The following ZMYM2 variants were observed in gnomAD, a reference collection of about 807,000 sequenced individuals.
ZMYM2 encodes zinc finger MYM-type protein 2.
Under a neutral mutation model 162.8 loss-of-function variants are expected in ZMYM2, and 56 were observed. That is an observed-to-expected ratio of 0.34 (90% confidence interval 0.28 to 0.43). The LOEUF (loss-of-function observed/expected upper bound fraction) is 0.43. Among genes scored for constraint, ZMYM2 ranks in the 20% least tolerant of loss-of-function variants. ZMYM2 has a pLI of 1.00. For synonymous variants in ZMYM2, 510 were observed against 541.6 expected, an observed-to-expected ratio of 0.94 and a Z score of 0.81; for missense variants, 1,275 against 1,621.8, an observed-to-expected ratio of 0.79 and a Z score of 3.67.
chr13:19,961,535 C>T (rs1955206860), intron 2 of ZMYM2, among the ~76,000 whole-genome samples: 2 of 152,102 alleles, frequency 1.3e-5, no homozygotes, highest in South Asian at 4.1e-4. Context: ...TGCTTATCGC[C>T]ACATATTTTC....
chr13:20,059,612 T>C (rs373795300), intron 16 of ZMYM2, 50 bp downstream of exon 16: 29 of 863,138 alleles, frequency 3.4e-5, no homozygotes, highest in Non-Finnish European at 5.2e-5. Context: ...GCAGACACAG[T>C]TGGGAAAACA....
chr13:20,030,103 G>C (rs1467351943), intron 9 of ZMYM2, among the ~76,000 whole-genome samples: 75 of 151,498 alleles, frequency 5.0e-4, no homozygotes, highest in Non-Finnish European at 1.8e-4. Context: ...TCTGTAAATT[G>C]TTTTAACTTT....
intron 6 of ZMYM2, among the ~76,000 whole-genome samples, chr13:20,007,503 C>T (rs1566280134): frequency 6.6e-6 from 1 of 151,538 alleles, no homozygotes; most frequent in Non-Finnish European, 1.5e-5. Flanking sequence ...GAAAGGTAGT[C>T]TGTGTGATTT....
the ZMYM2 span, among the ~76,000 whole-genome samples, chr13:19,898,552 T>C: frequency 6.6e-6 from 1 of 152,012 alleles, no homozygotes; most frequent in Non-Finnish European, 1.5e-5. Context: ...CCTTAAACAA[T>C]CTGTGGGTCA....
At chr13:19,949,156 TC>T in the ZMYM2 span, among the ~76,000 whole-genome samples, 1 of 151,486 alleles carries the variant, frequency 6.6e-6, no homozygotes, top group Non-Finnish European at 1.5e-5. Flanking sequence ...ACGCCTCTAA[TC>T]CCAGCACTTT....
At chr13:20,021,682 G>C (rs1310364066) in intron 7 of ZMYM2, among the ~76,000 whole-genome samples, 20 of 152,136 alleles carry the variant, frequency 1.3e-4, no homozygotes, top group African/African-American at 4.8e-4. Context: ...TAGCAATACA[G>C]AGTACTCCTG....
intron 7 of ZMYM2, 42 bp from the exon 8 acceptor site, chr13:20,026,570 G>C: frequency 6.5e-7 from 1 of 1,543,008 alleles, no homozygotes; most frequent in Non-Finnish European, 8.7e-7. Flanking sequence ...TTCTAGTTAA[G>C]TTGTAGTCTT....
the ZMYM2 span, among the ~76,000 whole-genome samples, chr13:19,874,208 TTTTC>T: frequency 6.6e-6 from 1 of 152,030 alleles, no homozygotes. Context: ...TGGGACTTGA[TTTTC>T]TTTATTTCTT....
chr13:19,886,745 G>A, the ZMYM2 span, among the ~76,000 whole-genome samples: 1 of 151,580 alleles, frequency 6.6e-6, no homozygotes, highest in Admixed American at 6.6e-5. Flanking sequence ...TCCCTCCCAG[G>A]TTCAAGTGAT....
At chr13:19,919,394 G>A in the ZMYM2 span, among the ~76,000 whole-genome samples, 1 of 152,122 alleles carries the variant, frequency 6.6e-6, no homozygotes, top group Admixed American at 6.6e-5. Context: ...TATGGTAAGT[G>A]TATATTTAGT....
At chr13:20,045,049 CAAAAAAAAAAAAA>C (rs933854935) in intron 12 of ZMYM2, among the ~76,000 whole-genome samples, 1 of 47,482 alleles carries the variant, frequency 2.1e-5, no homozygotes, top group Non-Finnish European at 4.3e-5. Context: ...GACTCTGTGT[CAAAAAAAAAAAAA>C]AAAAAAAAAA....
At chr13:19,975,923 A>G (rs901455316) in intron 2 of ZMYM2, among the ~76,000 whole-genome samples, 1 of 150,310 alleles carries the variant, frequency 6.7e-6, no homozygotes, top group East Asian at 2.0e-4. Context: ...GAGTCTTGCT[A>G]TGTTGCCCAG....
chr13:20,042,240 G>A (rs1229900447), intron 12 of ZMYM2, among the ~76,000 whole-genome samples: 2 of 152,110 alleles, frequency 1.3e-5, no homozygotes, highest in Non-Finnish European at 2.9e-5. Context: ...ATATTTCCTG[G>A]AGGTTTTGCT....
At chr13:20,019,740 A>G in intron 7 of ZMYM2, 122 bp downstream of exon 7, 1 of 807,864 alleles carries the variant, frequency 1.2e-6, no homozygotes, top group Non-Finnish European at 2.0e-6. Flanking sequence ...CCAAACTTAA[A>G]TTGTATCAAA....
At chr13:19,876,789 A>G in the ZMYM2 span, among the ~76,000 whole-genome samples, 3 of 152,304 alleles carry the variant, frequency 2.0e-5, no homozygotes, top group South Asian at 6.2e-4. Context: ...CTCTGTACCT[A>G]TTAGACAATA....
At position 20,085,631 on chromosome 13, in the gene ZMYM2, T is replaced by C. The variant is rs189894658; in HGVS notation, c.3942-191T>C. ...TGGATTTAGTGAAGTAGAATTAAAA[T>C]TGTGGGAAATAATCTCTATCTCAGA... On this transcript the variant is annotated intron_variant, in intron 24 of 24. Coordinates refer to ENST00000610343, the MANE Select transcript of ZMYM2 (RefSeq NM_197968.4). 5.3e-5 allele frequency among the ~76,000 whole-genome samples: 8 copies of C among 152,288 alleles called. No homozygotes were observed. The East Asian group carries it at 1.5e-3, about 29-fold the overall frequency.
At chr13:20,067,723 T>C (rs1340400350) in intron 21 of ZMYM2, among the ~76,000 whole-genome samples, 1 of 152,192 alleles carries the variant, frequency 6.6e-6, no homozygotes, top group Admixed American at 6.5e-5. Flanking sequence ...TGTTAAATAG[T>C]ATAACTACTC....
At chr13:19,965,197 GAC>G in intron 2 of ZMYM2, 1 of 1,255,368 alleles carries the variant, frequency 8.0e-7, no homozygotes, top group Non-Finnish European at 1.0e-6. Flanking sequence ...AATACAGTGA[GAC>G]AAATTCTTTT....
At chr13:20,059,340 A>AG (rs1956060120) in intron 15 of ZMYM2, 107 bp from the exon 16 acceptor site, 1 of 1,251,946 alleles carries the variant, frequency 8.0e-7, no homozygotes, top group South Asian at 1.5e-5. Flanking sequence ...TAAAAAAAAA[A>AG]AGGTACTGAG....
Sources: gnomAD v4.1 joint callset for allele counts (sites outside exome capture counted in the v4.1 genomes callset) on GRCh38, gnomAD v4.1.1 for gene constraint, MANE v1.5 for transcripts, NCBI Gene and HGNC (gene_info 2026-07-23, HGNC 2026-07-21) for gene names.